GSE1: variants seen among roughly 807,000 people sequenced by gnomAD.
GSE1 encodes the protein Gse1 coiled-coil protein.
GSE1 carries 32 observed loss-of-function variants against 112.6 expected under a neutral mutation model. The observed-to-expected ratio is 0.28, with a 90% CI of 0.21 to 0.38. The LOEUF is 0.38. Among genes scored for constraint, GSE1 ranks in the 10% least tolerant of loss-of-function variants. The pLI is 1.00. For synonymous variants in GSE1, 1,115 were observed against 735.6 expected, an observed-to-expected ratio of 1.52 and a Z score of -8.35; for missense variants, 2,348 against 1,699.2, an observed-to-expected ratio of 1.38 and a Z score of -6.71.
chr16:85,274,906 CT>C lies in GSE1; in HGVS notation c.2284-82556del, dbSNP rs1182838136. Among the ~76,000 whole-genome samples, 5 of 152,260 alleles carry C rather than the reference CT, an allele frequency of 3.3e-5. No homozygotes were observed. In the East Asian group the frequency reaches 9.6e-4, roughly 29 times the overall value. On this transcript the variant is annotated intron_variant, in intron 1 of 2. Coordinates refer to the GSE1 transcript ENST00000637419. ...ATGTGGGGCCTGGCCCTCACTGCCC[CT>C]GTTCCAGTTCCGGCCCCTCCTGCTG...
chr16:85,450,434 ATTTC>A (rs1413236374), intron 2 of GSE1, among the ~76,000 whole-genome samples: 2 of 146,878 alleles, frequency 1.4e-5, no homozygotes, highest in Non-Finnish European at 3.0e-5. Context: ...CTGTTTTTTT[ATTTC>A]TTTATTTTTT....
At chr16:85,641,821 C>G (rs1169331139) in intron 2 of GSE1, among the ~76,000 whole-genome samples, 1 of 152,272 alleles carries the variant, frequency 6.6e-6, no homozygotes, top group Non-Finnish European at 1.5e-5. Flanking sequence ...TACTCACTGG[C>G]TGGCGGCTTC....
intron 1 of GSE1, among the ~76,000 whole-genome samples, chr16:85,332,914 G>C (rs533019998): frequency 6.6e-6 from 1 of 151,892 alleles, no homozygotes; most frequent in Admixed American, 6.6e-5. Context: ...TTTATCCCCT[G>C]TACCAGCCGG....
intron 1 of GSE1, among the ~76,000 whole-genome samples, chr16:85,615,979 G>T (rs2048345733): frequency 6.6e-6 from 1 of 152,220 alleles, no homozygotes; most frequent in African/African-American, 2.4e-5. Flanking sequence ...GCCCCGATGA[G>T]CCCTCCCCTC....
rs533594436 is a variant in GSE1 at position 85,424,324 on chromosome 16, G to A, written c.2464+66681G>A. ...TGAGGTTCTTGGCGACGGCAGGGTC[G>A]CCGCTTAAAACATTTCACCTGTTCG... On this transcript the variant is annotated intron_variant, in intron 2 of 2. Coordinates refer to the GSE1 transcript ENST00000637419. Among the ~76,000 whole-genome samples the A allele has an allele frequency of 7.9e-5, 12 of 152,338 alleles. No homozygotes were observed. In the East Asian group the frequency reaches 1.4e-3, roughly 17 times the overall value.
intron 1 of GSE1, among the ~76,000 whole-genome samples, chr16:85,322,828 C>G (rs916028383): frequency 1.3e-5 from 2 of 152,034 alleles, no homozygotes; most frequent in Non-Finnish European, 2.9e-5. Flanking sequence ...GTTGGCCAGG[C>G]TGGTCTCGAA....
chr16:85,613,947 G>C lies in GSE1; in HGVS notation c.7+549G>C, dbSNP rs79333981. Among the ~76,000 whole-genome samples, 37 of 150,406 alleles carry C rather than the reference G, an allele frequency of 2.5e-4. No homozygotes were observed. In the East Asian group the frequency reaches 7.2e-3, roughly 29 times the overall value. On this transcript the variant is annotated intron_variant, in intron 1 of 15. Transcript: ENST00000253458. ...CCCTCCCCGACCCCTTGTCTCGGGG[G>C]AGTTGGTCGGGAGGGCGGGACCGCA...
At chr16:85,505,109 G>C (rs887115864) in intron 2 of GSE1, among the ~76,000 whole-genome samples, 21 of 152,178 alleles carry the variant, frequency 1.4e-4, no homozygotes, top group African/African-American at 4.8e-4. Context: ...ATCCTGGTTT[G>C]TTCAATGTTG....
At chr16:85,277,722 C>T (rs557620862) in intron 1 of GSE1, among the ~76,000 whole-genome samples, 2 of 152,360 alleles carry the variant, frequency 1.3e-5, no homozygotes, top group South Asian at 4.1e-4. Context: ...AGCATCTCCT[C>T]TTTGCTTTAT....
intron 2 of GSE1, among the ~76,000 whole-genome samples, chr16:85,439,942 A>G (rs1403538386): frequency 6.6e-6 from 1 of 152,256 alleles, no homozygotes; most frequent in African/African-American, 2.4e-5. Flanking sequence ...ATACGCAGAG[A>G]CACTCAGGTA....
At chr16:85,670,916 G>C in intron 14 of GSE1, 79 bp from the exon 15 acceptor site, 1 of 863,090 alleles carries the variant, frequency 1.2e-6, no homozygotes, top group Non-Finnish European at 2.0e-6. Flanking sequence ...CTGCTGGGCA[G>C]GGTGTGAAGA....
intron 1 of GSE1, among the ~76,000 whole-genome samples, chr16:85,632,741 C>T: frequency 6.6e-6 from 1 of 152,198 alleles, no homozygotes; most frequent in Non-Finnish European, 1.5e-5. Flanking sequence ...CCCCGGATCT[C>T]TGTGACACCA....
chr16:85,276,565 G>A (rs764513536), intron 1 of GSE1, among the ~76,000 whole-genome samples: 36 of 152,232 alleles, frequency 2.4e-4, no homozygotes, highest in Non-Finnish European at 3.7e-4. Context: ...TATTAAGGAT[G>A]TTTAATCCAG....
At chr16:85,646,896 G>GA (rs1236901660) in intron 2 of GSE1, among the ~76,000 whole-genome samples, 1 of 151,986 alleles carries the variant, frequency 6.6e-6, no homozygotes, top group East Asian at 1.9e-4. Context: ...ACAACAAGGG[G>GA]GGGGGTGGGG....
chr16:85,249,793 A>AC (rs1219813929), intron 1 of GSE1, among the ~76,000 whole-genome samples: 5 of 152,196 alleles, frequency 3.3e-5, no homozygotes, highest in Admixed American at 6.5e-5. Context: ...CCCAAGTGGC[A>AC]CAGGGTCAGG....
chr16:85,393,894 C>T (rs530807288), intron 2 of GSE1, among the ~76,000 whole-genome samples: 2 of 152,254 alleles, frequency 1.3e-5, no homozygotes, highest in East Asian at 1.9e-4. Flanking sequence ...GGGGGTTGGC[C>T]GCCAGCTTGC....
intron 2 of GSE1, among the ~76,000 whole-genome samples, chr16:85,506,801 G>A (rs539225944): frequency 1.3e-5 from 2 of 152,232 alleles, no homozygotes; most frequent in South Asian, 4.1e-4. Context: ...CTTGCTGGGG[G>A]AAGTGATCAT....
intron 1 of GSE1, among the ~76,000 whole-genome samples, chr16:85,618,163 A>C (rs1267690319): frequency 6.6e-6 from 1 of 151,854 alleles, no homozygotes; most frequent in Non-Finnish European, 1.5e-5. Flanking sequence ...GTGTCTGAGG[A>C]GGTGTGTGTA....
At chr16:85,648,235 C>A (rs923600250) in intron 2 of GSE1, among the ~76,000 whole-genome samples, 1 of 152,146 alleles carries the variant, frequency 6.6e-6, no homozygotes, top group Non-Finnish European at 1.5e-5. Context: ...TCCTGCCCGC[C>A]CTGCCCAGGC....
Sources: allele counts gnomAD v4.1 joint callset (sites outside exome capture counted in the v4.1 genomes callset), GRCh38; gene constraint gnomAD v4.1.1; transcripts MANE v1.5; gene names NCBI Gene and HGNC (gene_info 2026-07-23, HGNC 2026-07-21).